Variants in C6orf163 observed in about 807,000 individuals in gnomAD.
C6orf163 encodes the protein chromosome 6 open reading frame 163.
Under a neutral mutation model 28.4 loss-of-function variants are expected in C6orf163, and 22 were observed. The ratio of observed to expected loss-of-function variants is 0.78; its 90% CI spans 0.55 to 1.11. The LOEUF (loss-of-function observed/expected upper bound fraction) is 1.11. C6orf163 is among the 50% of genes least tolerant of loss of function. The pLI, the probability that C6orf163 is intolerant of heterozygous loss-of-function variation, is 0.00. For missense variants in C6orf163, 342 were observed against 389.1 expected, an observed-to-expected ratio of 0.88 and a Z score of 1.02; for synonymous variants, 110 against 123.6, an observed-to-expected ratio of 0.89 and a Z score of 0.73.
chr6:87,350,799 G>A (rs1777401390), intron 3 of C6orf163, among the ~76,000 whole-genome samples: 1 of 152,130 alleles, frequency 6.6e-6, no homozygotes, highest in Non-Finnish European at 1.5e-5. Context: ...CTTCACCATT[G>A]TAATTAAATA....
At chr6:87,364,281 T>C (rs1186606758) in intron 4 of C6orf163, among the ~76,000 whole-genome samples, 2 of 74,968 alleles carry the variant, frequency 2.7e-5, no homozygotes, top group Non-Finnish European at 7.4e-5. Context: ...AGACACTGTC[T>C]CAAAAAAAAA....
intron 1 of C6orf163, chr6:87,348,437 C>T (rs1468032513): frequency 1.3e-5 from 13 of 995,654 alleles, no homozygotes; most frequent in African/African-American, 3.5e-5. Context: ...AGCCCTAGCA[C>T]CCAAATAGGA....
At chr6:87,359,628 T>C (rs1777554113) in intron 4 of C6orf163, among the ~76,000 whole-genome samples, 1 of 152,372 alleles carries the variant, frequency 6.6e-6, no homozygotes, top group Non-Finnish European at 1.5e-5. Context: ...CAATTGCTAC[T>C]ATGGACTTTC....
chr6:87,365,081 G>A lies in C6orf163; in HGVS notation c.675G>A (p.Gln225=). 1 of 1,551,996 alleles carries A rather than the reference G, an allele frequency of 6.4e-7. No homozygotes were observed. The highest frequency in any genetic ancestry group is 8.7e-7 in the Non-Finnish European group (1 of 1,147,076). ...HEMSILYGIA[Q]RQRQEEVQEV... ...TGAGCATCCTCTATGGCATAGCTCA[G>A]AGGCAGAGGCAAGAAGAGGTACAGG... is the stretch of plus-strand genomic sequence containing the variant. Residue 225 remains glutamine, a synonymous_variant, in exon 5 of 5, where the codon CAG becomes CAA. Coordinates refer to ENST00000388923, the MANE Select transcript of C6orf163 (RefSeq NM_001010868.3).
At chr6:87,354,438 C>A (rs1263569220) in intron 3 of C6orf163, among the ~76,000 whole-genome samples, 2 of 152,232 alleles carry the variant, frequency 1.3e-5, no homozygotes, top group East Asian at 1.9e-4. Context: ...CCAGTACAAT[C>A]ATTCATCTTT....
rs1411246948 is a variant in C6orf163, at chr6:87,365,164, A to AACTGG, written c.759_763dup (p.Ala255AspfsTer12). 6.4e-7 allele frequency: 1 copy of AACTGG among 1,551,814 alleles called. No homozygotes were observed. The highest frequency in any genetic ancestry group is 8.7e-7 in the Non-Finnish European group (1 of 1,147,054). On this transcript the variant is annotated frameshift_variant, in exon 5 of 5. Transcript: ENST00000388923. LOFTEE classifies it high-confidence loss of function. ...GCCACTCTTGGCAATATGATGGATA[A>AACTGG]ACTGGCTAACACCCAGGGGGAGCTG...
rs76351420 is a variant in C6orf163 at position 87,352,158 on chromosome 6, A to G, written c.351+1657A>G. Among the ~76,000 whole-genome samples, 447 of 152,262 alleles carry G rather than the reference A, an allele frequency of 2.9e-3. 4 individuals are homozygous for G. Among genetic ancestry groups the G allele is most frequent in the East Asian group, 0.013 (69 of 5,194 alleles). On this transcript the variant is annotated intron_variant, in intron 3 of 4. Transcript: ENST00000388923. ...TTACATTTATACCACCATTTCAGATATTTTTTACTTATGAAGGAATGATTT... is the reference window on the plus strand; with the variant it reads ...TTACATTTATACCACCATTTCAGATGTTTTTTACTTATGAAGGAATGATTT...
chr6:87,348,006 A>G (rs760570836), intron 1 of C6orf163: 26 of 542,292 alleles, frequency 4.8e-5, no homozygotes, highest in Non-Finnish European at 5.4e-5. Context: ...AAATACAAAA[A>G]TTAGTCAGGC....
At chr6:87,350,540 T>C in intron 3 of C6orf163, 39 bp downstream of exon 3, 4 of 1,192,302 alleles carry the variant, frequency 3.4e-6, no homozygotes, top group Non-Finnish European at 4.7e-6. Context: ...TTAAAAGTAA[T>C]TACATTAGTA....
intron 4 of C6orf163, chr6:87,357,023 T>C (rs1777513043): frequency 6.5e-6 from 1 of 154,958 alleles, no homozygotes; most frequent in Admixed American, 6.3e-5. Flanking sequence ...ATTATGGAAA[T>C]ATATAGAGCA....
chr6:87,364,974 G>A lies in C6orf163; in HGVS notation c.568G>A (p.Glu190Lys). 6.5e-7 allele frequency: 1 copy of A among 1,542,490 alleles called. No homozygotes were observed. The highest frequency in any genetic ancestry group is 8.8e-7 in the Non-Finnish European group (1 of 1,141,032). ...TATCTTTTGTAGCAAAGCCGTGGAG[G>A]AAATTGTGAATACTGGTGTCACAGT... ...IQAQKSKAVE[E>K]IVNTGVTVIK... The change falls in exon 5 of 5, where the codon GAA (glutamate) becomes AAA (lysine). Residue 190 changes from glutamate (E) to lysine (K), a missense_variant. Physicochemically the swap from Glu to Lys is moderately conservative, Grantham distance 56. Transcript: ENST00000388923.
chr6:87,348,448 A>T, intron 1 of C6orf163: 5 of 999,420 alleles, frequency 5.0e-6, no homozygotes, highest in Non-Finnish European at 6.0e-6. Context: ...CCAAATAGGA[A>T]CAGGGAGAGA....
chr6:87,349,471 T>C (rs145590152), intron 2 of C6orf163, among the ~76,000 whole-genome samples: 70 of 152,242 alleles, frequency 4.6e-4, no homozygotes, highest in African/African-American at 1.6e-3. Flanking sequence ...AATTTGAATA[T>C]TGGGGCTCAC....
chr6:87,349,083 A>G (rs1378901234), intron 2 of C6orf163, among the ~76,000 whole-genome samples, 177 bp downstream of exon 2: 6 of 152,306 alleles, frequency 3.9e-5, no homozygotes, highest in African/African-American at 9.6e-5. Flanking sequence ...TAAAAAAGTA[A>G]TAATAGTACC....
chr6:87,357,815 C>T (rs1255100258), intron 4 of C6orf163: 1 of 152,292 alleles, frequency 6.6e-6, no homozygotes, highest in Non-Finnish European at 1.5e-5. Context: ...CCCTCCAGCC[C>T]TTTCCTCTGT....
At chr6:87,362,607 A>G (rs1777597286) in intron 4 of C6orf163, among the ~76,000 whole-genome samples, 1 of 152,174 alleles carries the variant, frequency 6.6e-6, no homozygotes, top group African/African-American at 2.4e-5. Context: ...TGTTATTAAT[A>G]TTGGAAATAG....
Position 87,365,131 on chromosome 6 carries a change from C to T in C6orf163, c.725C>T (p.Thr242Ile), listed in dbSNP as rs1268679700. The change falls in exon 5 of 5, where the codon ACA becomes ATA. Residue 242 changes from threonine to isoleucine, a missense_variant. Coordinates refer to ENST00000388923, the MANE Select transcript of C6orf163 (RefSeq NM_001010868.3). ...GAAGTGCTTCAAGAAGCAGAGAAAACACATCAGGCCACTCTTGGCAATATG... is the reference window on the plus strand; with the variant it reads ...GAAGTGCTTCAAGAAGCAGAGAAAATACATCAGGCCACTCTTGGCAATATG... Reference protein sequence around the residue: ...VQEVLQEAEKTHQATLGNMMD... With the variant: ...VQEVLQEAEKIHQATLGNMMD... 1.3e-5 allele frequency: 20 copies of T among 1,551,954 alleles called. No individual in the cohort carries two copies. The East Asian group carries it at 4.4e-4, about 34-fold the overall frequency.
chr6:87,362,156 C>T (rs1777589327), intron 4 of C6orf163, among the ~76,000 whole-genome samples: 1 of 152,150 alleles, frequency 6.6e-6, no homozygotes, highest in Non-Finnish European at 1.5e-5. Flanking sequence ...CATTTCTCAC[C>T]TGTTACAAGG....
chr6:87,362,413 G>T (rs1032771988), intron 4 of C6orf163, among the ~76,000 whole-genome samples: 2 of 152,146 alleles, frequency 1.3e-5, no homozygotes, highest in African/African-American at 4.8e-5. Context: ...GGAGGCGGAG[G>T]TTGCAGTGAG....
Sources: gnomAD v4.1 joint callset for allele counts (sites outside exome capture counted in the v4.1 genomes callset) on GRCh38, gnomAD v4.1.1 for gene constraint, MANE v1.5 for transcripts, NCBI Gene and HGNC (gene_info 2026-07-23, HGNC 2026-07-21) for gene names.